The following MFN2 variants were observed in gnomAD, a reference collection of about 807,000 sequenced individuals.
MFN2 encodes the protein mitofusin-2.
A neutral mutation model predicts 87.5 loss-of-function variants in MFN2; 43 were observed. The observed-to-expected ratio is 0.49, with a 90% CI of 0.38 to 0.63. MFN2 has a LOEUF of 0.63. Ranked by LOEUF, MFN2 falls within the 30% of genes least tolerant of loss-of-function variation. MFN2 has a pLI of 0.00. For synonymous variants in MFN2, 337 were observed against 359.9 expected, an observed-to-expected ratio of 0.94 and a Z score of 0.72; for missense variants, 743 against 972.8, an observed-to-expected ratio of 0.76 and a Z score of 3.14.
intron 2 of MFN2, among the ~76,000 whole-genome samples, chr1:11,987,510 G>T (rs1305545987): frequency 6.6e-6 from 1 of 151,252 alleles, no homozygotes; most frequent in African/African-American, 2.4e-5. Context: ...AGTGCCTGTA[G>T]TCCCAGTTGC....
chr1:12,013,501 G>A lies in MFN2; in HGVS notation c.*1936G>A. On this transcript the variant is annotated 3_prime_UTR_variant, in exon 19 of 19. Transcript: ENST00000235329. ...TTGGAAACTAAAATAAAACCTAGTT[G>A]GAAATCCTTTGTGAGATCTGTCTTT... 1 of 379,166 alleles carries A rather than the reference G, an allele frequency of 2.6e-6. No homozygotes were observed. The highest frequency in any genetic ancestry group is 2.0e-5 in the South Asian group (1 of 49,952). 23.5% of individuals were successfully genotyped at this position (379,166 alleles called of 1,614,324 possible). A position where few individuals can be genotyped will look rare whatever the true frequency, so the allele number is the denominator to read the frequency against.
At chr1:11,983,043 T>TTTTG (rs888630722) in intron 2 of MFN2, among the ~76,000 whole-genome samples, 13 of 152,128 alleles carry the variant, frequency 8.5e-5, no homozygotes, top group East Asian at 1.9e-4. Flanking sequence ...ATATGGTGTT[T>TTTTG]TTTGTTTGTT....
rs767693664 is a variant in MFN2 at position 11,998,815 on chromosome 1, G to A, written c.645G>A (p.Lys215=). The A allele has an allele frequency of 5.6e-6, 9 of 1,614,168 alleles. 1 individual carries two copies. The highest frequency in any genetic ancestry group is 5.0e-5 in the Admixed American group (3 of 60,024). ...CAGAGCTGGACAGCTGGATTGACAA[G>A]TTTTGTCTGGATGCTGATGTGTTTG... is the stretch of plus-strand genomic sequence containing the variant. ...VTTELDSWID[K]FCLDADVFVL... is the part of the protein sequence containing the mutation. The change falls in exon 7 of 19, where the codon AAG becomes AAA. Residue 215 remains lysine, a synonymous_variant. Coordinates refer to ENST00000235329, the MANE Select transcript of MFN2 (RefSeq NM_014874.4).
chr1:12,001,241 G>T (rs1639157692), intron 8 of MFN2, among the ~76,000 whole-genome samples, 160 bp from the exon 9 acceptor site: 1 of 152,140 alleles, frequency 6.6e-6, no homozygotes, highest in South Asian at 2.1e-4. Context: ...TTGAACTCCC[G>T]ACCTCAAGTG....
intron 10 of MFN2, 62 bp downstream of exon 10, chr1:12,001,898 C>T: frequency 1.9e-6 from 3 of 1,613,866 alleles, no homozygotes; most frequent in Non-Finnish European, 1.7e-6. Flanking sequence ...TTGGCTGTGT[C>T]CCTGGCAGTG....
rs757937208 is a variant in MFN2 at position 11,996,178 on chromosome 1, G to A, written c.334G>A (p.Val112Met). The A allele has an allele frequency of 5.6e-6, 9 of 1,614,196 alleles. No individual in the cohort carries two copies. In the South Asian group the frequency reaches 8.8e-5, roughly 16 times the overall value. ...FGRTSNGKST[V>M]INAMLWDKVL... ...TAGGACGAGCAATGGGAAGAGCACC[G>A]TGATCAATGCCATGCTCTGGGACAA... The change falls in exon 5 of 19, where the codon GTG becomes ATG. Residue 112 changes from valine to methionine, a missense_variant. Coordinates refer to ENST00000235329, the MANE Select transcript of MFN2 (RefSeq NM_014874.4).
At chr1:11,987,016 CT>C (rs1249807752) in intron 2 of MFN2, among the ~76,000 whole-genome samples, 2 of 152,170 alleles carry the variant, frequency 1.3e-5, no homozygotes, top group African/African-American at 4.8e-5. Context: ...CAAAAATAGA[CT>C]GTGATAATAT....
chr1:11,992,687 G>T lies in MFN2; in HGVS notation c.308G>T (p.Gly103Val). ...AGGCACATGAAAGTGGCTTTTTTTG[G>T]CCGGTAAGTCCTTGAGGCACCCACC... Reference protein sequence around the residue: ...ARRHMKVAFFGRTSNGKSTVI... With the variant: ...ARRHMKVAFFVRTSNGKSTVI... Residue 103 changes from glycine (G) to valine (V), a missense_variant, in exon 4 of 19, where the codon GGC becomes GTC. Physicochemically the swap from Gly to Val is moderately radical, Grantham distance 109. Coordinates refer to ENST00000235329, the MANE Select transcript of MFN2 (RefSeq NM_014874.4). 1.2e-6 allele frequency: 2 copies of T among 1,614,170 alleles called. No individual in the cohort carries two copies. The highest frequency in any genetic ancestry group is 8.5e-7 in the Non-Finnish European group (1 of 1,180,030).
chr1:12,001,338 A>G, intron 8 of MFN2, 63 bp from the exon 9 acceptor site: 1 of 1,600,778 alleles, frequency 6.2e-7, no homozygotes, highest in Non-Finnish European at 8.5e-7. Context: ...TTTTAATAAA[A>G]GAGGCAGGTG....
intron 17 of MFN2, among the ~76,000 whole-genome samples, chr1:12,008,625 G>GAGGC (rs1639545552): frequency 6.6e-6 from 1 of 151,890 alleles, no homozygotes; most frequent in Non-Finnish European, 1.5e-5. Flanking sequence ...TGGCTGGGCA[G>GAGGC]AGGCGCTCCT....
chr1:11,982,581 A>G lies in MFN2; in HGVS notation c.-5+467A>G, dbSNP rs181044041. On this transcript the variant is annotated intron_variant, in intron 2 of 18. Coordinates refer to ENST00000235329, the MANE Select transcript of MFN2 (RefSeq NM_014874.4). ...TTTTCCCTGCTAGGAGTTGCTGTAC[A>G]TAACACTGGGTAAGGAGGTGGTGTG... is the stretch of plus-strand genomic sequence containing the variant. The G allele has an allele frequency of 5.3e-5, 8 of 152,306 alleles. No individual in the cohort carries two copies. The East Asian group carries it at 1.5e-3, about 29-fold the overall frequency. 9.4% of individuals were successfully genotyped at this position (152,306 alleles called of 1,614,324 possible).
In MFN2 at chr1:12,013,208, C is replaced by T; in HGVS notation, c.*1643C>T. ...GTGCTCTTTTTGAAAAAAAAAAATT[C>T]TTTAGCGTAAACATGAATTTTTTTT... is the stretch of plus-strand genomic sequence containing the variant. On this transcript the variant is annotated 3_prime_UTR_variant, in exon 19 of 19. Transcript: ENST00000235329. The T allele has an allele frequency of 3.0e-6, 1 of 330,896 alleles. No individual in the cohort carries two copies. Among genetic ancestry groups the T allele is most frequent in the Non-Finnish European group, 6.1e-6 (1 of 163,248 alleles). The allele number at this position is 330,896 out of a possible 1,614,324, so 20.5% of individuals were successfully genotyped here.
At chr1:12,010,263 G>T (rs1453909622) in intron 18 of MFN2, among the ~76,000 whole-genome samples, 1 of 152,256 alleles carries the variant, frequency 6.6e-6, no homozygotes, top group African/African-American at 2.4e-5. Flanking sequence ...GCAGTTGAAG[G>T]CATGATGGCA....
chr1:12,009,211 C>G (rs192027632), intron 17 of MFN2, among the ~76,000 whole-genome samples: 1 of 151,302 alleles, frequency 6.6e-6, no homozygotes, highest in Non-Finnish European at 1.5e-5. Flanking sequence ...AGAGGGAGAC[C>G]GTGGGGAGAG....
chr1:12,006,419 T>C, intron 15 of MFN2, 119 bp from the exon 16 acceptor site: 6 of 1,376,708 alleles, frequency 4.4e-6, no homozygotes, highest in Non-Finnish European at 6.0e-6. Flanking sequence ...CCTTTTTGCC[T>C]TTTGGAAATT....
intron 17 of MFN2, among the ~76,000 whole-genome samples, chr1:12,008,419 G>A (rs1310777131): frequency 3.6e-5 from 3 of 82,738 alleles, no homozygotes; most frequent in South Asian, 4.5e-4. Flanking sequence ...CCGGGCGGGG[G>A]CTGACCCCCC....
rs1016406013 is a variant in MFN2, at chr1:11,991,154, T to C, written c.176-1401T>C. On this transcript the variant is annotated intron_variant, in intron 3 of 18. Coordinates refer to ENST00000235329, the MANE Select transcript of MFN2 (RefSeq NM_014874.4). ...TGGAGTAATTTGTTGGCCATCTGCC[T>C]GTTAAGGGCACTGGGAAAAAGCAGT... 2.0e-5 allele frequency among the ~76,000 whole-genome samples: 3 copies of C among 152,206 alleles called. No homozygotes were observed. The South Asian group carries it at 6.2e-4, about 31-fold the overall frequency.
At chr1:11,992,749 T>C (rs1055813234) in intron 4 of MFN2, 59 bp downstream of exon 4, 8 of 1,610,072 alleles carry the variant, frequency 5.0e-6, no homozygotes, top group Non-Finnish European at 6.8e-6. Context: ...GGGAGGCACT[T>C]TGTGCAAGGT....
At chr1:11,985,011 G>T (rs754160390) in intron 2 of MFN2, among the ~76,000 whole-genome samples, 6 of 152,202 alleles carry the variant, frequency 3.9e-5, no homozygotes, top group Admixed American at 3.9e-4. Flanking sequence ...GAAGCCAGTC[G>T]GTGAGAAATT....
Sources: allele counts gnomAD v4.1 joint callset (sites outside exome capture counted in the v4.1 genomes callset), GRCh38; gene constraint gnomAD v4.1.1; transcripts MANE v1.5; gene names NCBI Gene and HGNC (gene_info 2026-07-23, HGNC 2026-07-21).